The following KLHL13 variants were observed in gnomAD, a reference collection of about 807,000 sequenced individuals.
KLHL13 encodes kelch like family member 13.
A neutral mutation model predicts 37.1 loss-of-function variants in KLHL13; 10 were observed. That is an observed-to-expected ratio of 0.27 (90% CI 0.17 to 0.46). The LOEUF (loss-of-function observed/expected upper bound fraction) is 0.46, where lower values mean the gene tolerates loss of function less well. Ranked by LOEUF, KLHL13 falls within the 20% of genes least tolerant of loss-of-function variation. The pLI, the probability that KLHL13 is intolerant of heterozygous loss-of-function variation, is 1.00. For missense variants in KLHL13, 360 were observed against 509.3 expected (o/e 0.71, Z 2.82); for synonymous variants, 163 against 181.2 (o/e 0.90, Z 0.81).
At position 117,945,476 on chromosome X, in the gene KLHL13, T is replaced by TG. The variant is rs1210249999; in HGVS notation, c.197dup (p.Arg67ThrfsTer17). On this transcript the variant is annotated frameshift_variant, in exon 2 of 7. Transcript: ENST00000262820. LOFTEE classifies it high-confidence loss of function. ...TGTGGGTATTGCTGGTAAAGATGCG[T>TG]GTAGGTCCTGCCTTGGAAGACTGCA... 1 of 1,210,486 alleles carries TG rather than the reference T, an allele frequency of 8.3e-7. No individual in the cohort carries two copies. Among genetic ancestry groups the TG allele is most frequent in the African/African-American group, 1.7e-5 (1 of 57,650 alleles).
At chrX:118,090,841 C>T (rs1422151733) in intron 1 of KLHL13, among the ~76,000 whole-genome samples, 4 of 109,167 alleles carry the variant, frequency 3.7e-5, no homozygotes, top group Non-Finnish European at 7.6e-5. Context: ...ATGTTTATAG[C>T]GGCACTATTC....
At chrX:118,030,419 AG>A (rs1253792951) in intron 1 of KLHL13, among the ~76,000 whole-genome samples, 2 of 112,316 alleles carry the variant, frequency 1.8e-5, no homozygotes, top group Non-Finnish European at 1.9e-5. Context: ...GATTACTACT[AG>A]AAATCTGATA....
chrX:118,084,466 A>G (rs1249013941), intron 1 of KLHL13, among the ~76,000 whole-genome samples: 1 of 112,391 alleles, frequency 8.9e-6, no homozygotes, highest in Non-Finnish European at 1.9e-5. Context: ...AAAGATTTTA[A>G]GAAAGGTTGT....
chrX:117,938,901 A>T (rs1287704177), intron 2 of KLHL13, among the ~76,000 whole-genome samples: 1 of 110,993 alleles, frequency 9.0e-6, no homozygotes, highest in Non-Finnish European at 1.9e-5. Flanking sequence ...ACAAACAAAA[A>T]TAGCCGAAGA....
intron 1 of KLHL13, among the ~76,000 whole-genome samples, chrX:118,076,246 G>A (rs1226180702): frequency 1.8e-5 from 2 of 111,261 alleles, no homozygotes; most frequent in Non-Finnish European, 3.8e-5. Flanking sequence ...CCAGGATTGA[G>A]GTTTATTTTG....
chrX:118,076,850 TTTTC>T (rs1476113913), intron 1 of KLHL13, among the ~76,000 whole-genome samples: 4 of 109,209 alleles, frequency 3.7e-5, no homozygotes, highest in African/African-American at 1.3e-4. Flanking sequence ...CTTTCTTTTC[TTTTC>T]TTTCTTTCTC....
In KLHL13 at chrX:117,901,963, G is replaced by C; in HGVS notation, c.1367-17C>G. ...CTACTGTGGCTGTTAAAAAAAAAAA[G>C]AAAAGAAAATTATTTTTAACTTCAA... On this transcript the variant is annotated splice_polypyrimidine_tract_variant and intron_variant, in intron 5 of 6. Coordinates refer to ENST00000262820, the Ensembl canonical transcript of KLHL13. The C allele has an allele frequency of 1.2e-6, 1 of 841,904 alleles. No individual in the cohort carries two copies. The highest frequency in any genetic ancestry group is 1.7e-6 in the Non-Finnish European group (1 of 584,039). 69.4% of individuals were successfully genotyped at this position (841,904 alleles called of 1,213,427 possible).
In KLHL13 at chrX:118,067,563, T is replaced by C. The variant is rs767502551; in HGVS notation, c.-56+48945A>G. Among the ~76,000 whole-genome samples, 384 of 112,218 alleles carry C rather than the reference T, an allele frequency of 3.4e-3. 1 individual carries two copies. Among genetic ancestry groups the C allele is most frequent in the African/African-American group, 0.012 (364 of 30,905 alleles). ...TAATAACTTAGCTTAAAACACATTA[T>C]ACAGCTGTAAAAAATATTGTATTTC... On this transcript the variant is annotated intron_variant, in intron 1 of 6. Transcript: ENST00000371882.
chrX:118,020,920 T>G (rs1602657582), intron 1 of KLHL13, among the ~76,000 whole-genome samples: 2 of 95,877 alleles, frequency 2.1e-5, no homozygotes, highest in East Asian at 7.0e-4. Flanking sequence ...ATATTCTCAC[T>G]CATAGGTGGG....
intron 2 of KLHL13, among the ~76,000 whole-genome samples, chrX:117,938,052 G>C (rs954191690): frequency 8.9e-6 from 1 of 112,101 alleles, no homozygotes. Context: ...TTAGCATAAT[G>C]TTTTCAAAGT....
chrX:117,956,707 A>C (rs1043585986), intron 1 of KLHL13, among the ~76,000 whole-genome samples: 6 of 111,240 alleles, frequency 5.4e-5, no homozygotes, highest in Non-Finnish European at 1.9e-5. Flanking sequence ...TGTAGATGAG[A>C]AGCAGACAAA....
intron 1 of KLHL13, among the ~76,000 whole-genome samples, chrX:118,069,420 T>TAAA (rs66906743): frequency 6.5e-5 from 4 of 61,535 alleles, no homozygotes; most frequent in Non-Finnish European, 1.2e-4. Context: ...GTTTAAAATG[T>TAAA]AAAAAAAAAA....
At chrX:118,102,615 C>G (rs186671036) in intron 1 of KLHL13, among the ~76,000 whole-genome samples, 2 of 112,208 alleles carry the variant, frequency 1.8e-5, no homozygotes, top group African/African-American at 6.5e-5. Flanking sequence ...TCACTAATTT[C>G]TGTTGAATTA....
chrX:117,973,130 C>A, exon 1 of KLHL13: 1 of 966,056 alleles, frequency 1.0e-6, no homozygotes, highest in Admixed American at 4.6e-5. Flanking sequence ...CCATACAATG[C>A]AGCTTTATTT....
At chrX:118,104,599 C>A (rs1324502196) in intron 1 of KLHL13, among the ~76,000 whole-genome samples, 1 of 111,735 alleles carries the variant, frequency 8.9e-6, no homozygotes, top group Non-Finnish European at 1.9e-5. Context: ...AAGACTGTCA[C>A]CGATCAAAAT....
At chrX:118,066,161 G>C (rs1220692501) in intron 1 of KLHL13, among the ~76,000 whole-genome samples, 1 of 111,955 alleles carries the variant, frequency 8.9e-6, no homozygotes, top group African/African-American at 3.2e-5. Flanking sequence ...CATGAGACAT[G>C]AAATCTGTTT....
chrX:117,977,415 T>C (rs2053608312), upstream of KLHL13, among the ~76,000 whole-genome samples: 1 of 111,666 alleles, frequency 9.0e-6, no homozygotes, highest in African/African-American at 3.3e-5. Flanking sequence ...AAACTTAATT[T>C]GCTAACTGAC....
chrX:118,099,882 GGAAGGAAGGAAA>G (rs1210200389), intron 1 of KLHL13, among the ~76,000 whole-genome samples: 37 of 96,145 alleles, frequency 3.8e-4, no homozygotes, highest in Admixed American at 5.5e-4. Flanking sequence ...AAAGAAGAAA[GGAAGGAAGGAAA>G]GAAGGAAGGA....
At chrX:117,920,092 A>T in intron 3 of KLHL13, 146 bp downstream of exon 4, 1 of 528,878 alleles carries the variant, frequency 1.9e-6, no homozygotes, top group Non-Finnish European at 3.0e-6. Flanking sequence ...TTAAAACAGC[A>T]CCACCGAAAA....
Sources: gnomAD v4.1 joint callset for allele counts (sites outside exome capture counted in the v4.1 genomes callset) on GRCh38, gnomAD v4.1.1 for gene constraint, MANE v1.5 for transcripts, NCBI Gene and HGNC (gene_info 2026-07-23, HGNC 2026-07-21) for gene names.